NCS1: variants seen among roughly 807,000 people sequenced by gnomAD.
NCS1 encodes frequenin homolog.
NCS1 carries 6 observed loss-of-function variants against 28.4 expected under a neutral mutation model. The observed-to-expected ratio is 0.21, with a 90% CI of 0.12 to 0.42. The LOEUF is 0.42. Ranked by LOEUF, NCS1 falls within the 10% of genes least tolerant of loss-of-function variation. NCS1 has a pLI of 1.00. For missense variants in NCS1, 131 were observed against 241.4 expected (o/e 0.54, Z 3.03); for synonymous variants, 86 against 99.3 (o/e 0.87, Z 0.79).
rs1554905608 is a variant in NCS1 at position 130,186,073 on chromosome 9, T to TGGGTCCTGTGG, written c.64+13350_64+13360dup. 3.3e-5 allele frequency among the ~76,000 whole-genome samples: 5 copies of TGGGTCCTGTGG among 152,188 alleles called. No individual in the cohort carries two copies. The highest frequency in any genetic ancestry group is 5.9e-5 in the Non-Finnish European group (4 of 68,030). ...CCAGCAGGGAGCAGAGGGGAGGCCC[T>TGGGTCCTGTGG]GGGTCCTGTGGGGGGCATGTGTGGC... On this transcript the variant is annotated intron_variant, in intron 1 of 7. Coordinates refer to ENST00000372398, the MANE Select transcript of NCS1 (RefSeq NM_014286.4). This position sits in a 1 kb window ranked among gnomAD's most constrained non-coding sequence, Gnocchi z 4.1.
chr9:130,204,088 G>A (rs982701495), intron 2 of NCS1, among the ~76,000 whole-genome samples: 69 of 152,250 alleles, frequency 4.5e-4, no homozygotes, highest in African/African-American at 1.7e-3. Context: ...TGCCTCCCGG[G>A]TTCATGCGAA....
intron 2 of NCS1, among the ~76,000 whole-genome samples, chr9:130,214,200 A>T (rs1339855609): frequency 6.6e-6 from 1 of 152,234 alleles, no homozygotes; most frequent in Non-Finnish European, 1.5e-5. Flanking sequence ...ACAAGTGGGC[A>T]GGGGCACAGA....
rs782290765 is a variant in NCS1 at position 130,233,555 on chromosome 9, A to G, written c.*583A>G. ...ACCTGCGTGGCTAGGATGATTAATT[A>G]TGAGGATGATGATTTTTTTTGTGAT... On this transcript the variant is annotated 3_prime_UTR_variant, in exon 8 of 8. Transcript: ENST00000372398. The surrounding 1 kb of genome is among the most constrained non-coding windows in gnomAD (Gnocchi z 4.8). 6.6e-6 allele frequency: 1 copy of G among 152,164 alleles called. No homozygotes were observed. The highest frequency in any genetic ancestry group is 1.5e-5 in the Non-Finnish European group (1 of 67,996). 9.4% of individuals were successfully genotyped at this position (152,164 alleles called of 1,614,324 possible). A position where few individuals can be genotyped will look rare whatever the true frequency, so the allele number is the denominator to read the frequency against.
intron 1 of NCS1, among the ~76,000 whole-genome samples, chr9:130,190,400 A>G (rs147468302): frequency 1.6e-3 from 237 of 152,092 alleles, no homozygotes; most frequent in African/African-American, 5.2e-3. Flanking sequence ...CTTTCCATCT[A>G]TTTTCTACGT....
intron 1 of NCS1, among the ~76,000 whole-genome samples, chr9:130,189,872 AAAAAAAAATATAT>A (rs1405956270): frequency 3.7e-4 from 37 of 100,924 alleles, no homozygotes; most frequent in Non-Finnish European, 6.2e-4. Context: ...AAAAAAAAAA[AAAAAAAAATATAT>A]ATATATATAT....
At chr9:130,200,520 C>CCT in intron 1 of NCS1, 1 of 1,535,988 alleles carries the variant, frequency 6.5e-7, no homozygotes. Context: ...CTAGCTCCCC[C>CCT]CACCCCCCCA....
chr9:130,229,027 C>A (rs1833458823), intron 7 of NCS1, among the ~76,000 whole-genome samples: 1 of 151,742 alleles, frequency 6.6e-6, no homozygotes, highest in South Asian at 2.1e-4. Context: ...ACAAGAAATC[C>A]TTTTTCATTG....
chr9:130,196,156 G>T (rs1554906804), intron 1 of NCS1, among the ~76,000 whole-genome samples: 1 of 152,182 alleles, frequency 6.6e-6, no homozygotes, highest in African/African-American at 2.4e-5. Context: ...GAACTGCTGG[G>T]GGCACAGGAC....
intron 7 of NCS1, among the ~76,000 whole-genome samples, chr9:130,228,816 G>A (rs1268621650): frequency 6.6e-6 from 1 of 151,502 alleles, no homozygotes; most frequent in Non-Finnish European, 1.5e-5. Flanking sequence ...ATAGGCACCT[G>A]CCACCATGGC....
At chr9:130,176,138 T>TTTTCTCTCTTTCTTTCTTTC (rs1832560899) in intron 1 of NCS1, among the ~76,000 whole-genome samples, 1 of 102,218 alleles carries the variant, frequency 9.8e-6, no homozygotes, top group Non-Finnish European at 1.9e-5. Flanking sequence ...TATTTGTTCA[T>TTTTCTCTCTTTCTTTCTTTC]TTTCTTTCTT....
rs917075243 is a variant in NCS1 at position 130,175,863 on chromosome 9, G to A, written c.64+3136G>A. On this transcript the variant is annotated intron_variant, in intron 1 of 7. Transcript: ENST00000372398. The surrounding 1 kb of genome is among the most constrained non-coding windows in gnomAD (Gnocchi z 4.9). Reference sequence around the variant, plus strand: ...CTTAGACAGTGGCAGTCAGCATTGCGGGCGGCCCAGTTTCTTTCAGGTCTG... The same window carrying A: ...CTTAGACAGTGGCAGTCAGCATTGCAGGCGGCCCAGTTTCTTTCAGGTCTG... Among the ~76,000 whole-genome samples the A allele has an allele frequency of 2.6e-5, 4 of 152,204 alleles. No individual in the cohort carries two copies. Among genetic ancestry groups the A allele is most frequent in the Non-Finnish European group, 2.9e-5 (2 of 68,042 alleles).
At chr9:130,218,214 C>T (rs114526338) in intron 3 of NCS1, among the ~76,000 whole-genome samples, 1,782 of 152,334 alleles carry the variant, frequency 0.012, 49 homozygotes, top group African/African-American at 0.041. Context: ...TGTACACCCA[C>T]ACATGTACTG....
Position 130,217,845 on chromosome 9 carries a change from A to G in NCS1, c.103A>G (p.Ile35Val), listed in dbSNP as rs1833210710. Reference sequence around the variant, plus strand: ...TGCTGCCTCCAGGTACAAAGGCTTCATCAAGGACTGCCCCAGTGGGCAGCT... The same window carrying G: ...TGCTGCCTCCAGGTACAAAGGCTTCGTCAAGGACTGCCCCAGTGGGCAGCT... ...KEVQQWYKGF[I>V]KDCPSGQLDA... The change falls in exon 3 of 8, where the codon ATC (isoleucine) becomes GTC (valine). Residue 35 changes from isoleucine (I) to valine (V), a missense_variant. This residue lies in a region of NCS1 where 100 missense variants were observed against 210.3 expected (regional missense o/e 0.48). Coordinates refer to ENST00000372398, the MANE Select transcript of NCS1 (RefSeq NM_014286.4). 1 of 1,614,066 alleles carries G rather than the reference A, an allele frequency of 6.2e-7. No individual in the cohort carries two copies. The highest frequency in any genetic ancestry group is 1.1e-5 in the South Asian group (1 of 91,092).
At chr9:130,210,567 G>C (rs1323880054) in intron 2 of NCS1, among the ~76,000 whole-genome samples, 3 of 152,048 alleles carry the variant, frequency 2.0e-5, no homozygotes, top group Non-Finnish European at 4.4e-5. Flanking sequence ...CGTAGATCAG[G>C]GCTTGGGGCA....
intron 4 of NCS1, among the ~76,000 whole-genome samples, chr9:130,220,605 C>T (rs1833265653): frequency 6.6e-6 from 1 of 151,992 alleles, no homozygotes; most frequent in Non-Finnish European, 1.5e-5. Flanking sequence ...TGTGCAGGCC[C>T]CTGGCGGCAT....
In NCS1 at chr9:130,233,892, C is replaced by T. The variant is rs930465324; in HGVS notation, c.*920C>T. 6.6e-5 allele frequency: 10 copies of T among 152,180 alleles called. No individual in the cohort carries two copies. Among genetic ancestry groups the T allele is most frequent in the African/African-American group, 2.2e-4 (9 of 41,422 alleles). The allele number at this position is 152,180 out of a possible 1,614,324, so 9.4% of individuals were successfully genotyped here. ...GCACTGTTCCCTCCAGCCCGAATGC[C>T]TCCTGCCAAACCCCTTTTCCCTGCT... On this transcript the variant is annotated 3_prime_UTR_variant, in exon 8 of 8. Transcript: ENST00000372398. This position sits in a 1 kb window ranked among gnomAD's most constrained non-coding sequence, Gnocchi z 4.8.
chr9:130,198,083 A>G (rs1191364490), intron 1 of NCS1, among the ~76,000 whole-genome samples: 7 of 152,038 alleles, frequency 4.6e-5, no homozygotes, highest in East Asian at 1.9e-4. Flanking sequence ...CTAAAGGTCA[A>G]TTTGCTGCTT....
In NCS1 at chr9:130,226,603, C is replaced by T. The variant is rs1486639617; in HGVS notation, c.*17+99C>T. The T allele has an allele frequency of 1.1e-6, 1 of 888,810 alleles. No individual in the cohort carries two copies. Among genetic ancestry groups the T allele is most frequent in the African/African-American group, 1.7e-5 (1 of 60,230 alleles). The allele number at this position is 888,810 out of a possible 1,614,324, so 55.1% of individuals were successfully genotyped here. A position where few individuals can be genotyped will look rare whatever the true frequency, so the allele number is the denominator to read the frequency against. ...GGTTGGCAGGTAATTACCTGGGTCT[C>T]TGGGGGTGTTGTGGTCAGCCTAGCA... On this transcript the variant is annotated intron_variant, in intron 7 of 7. Transcript: ENST00000372398. The surrounding 1 kb of genome is among the most constrained non-coding windows in gnomAD (Gnocchi z 4.8).
intron 1 of NCS1, among the ~76,000 whole-genome samples, chr9:130,184,686 G>A (rs1832716389): frequency 6.6e-6 from 1 of 151,962 alleles, no homozygotes; most frequent in African/African-American, 2.4e-5. Context: ...GGAGTGAAAT[G>A]GTGCAATCTC....
Sources: allele counts gnomAD v4.1 joint callset (sites outside exome capture counted in the v4.1 genomes callset), GRCh38; gene constraint gnomAD v4.1.1; regional missense constraint gnomAD v4.1.1; non-coding constraint Gnocchi (gnomAD v3.1); transcripts MANE v1.5; gene names NCBI Gene and HGNC (gene_info 2026-07-23, HGNC 2026-07-21).